Variants in PCGF3 observed in about 807,000 individuals in gnomAD.
PCGF3 encodes polycomb group RING finger protein 3.
Under a neutral mutation model 33.1 loss-of-function variants are expected in PCGF3, and 7 were observed. The observed-to-expected ratio is 0.21, with a 90% CI of 0.12 to 0.40. The LOEUF (loss-of-function observed/expected upper bound fraction) is 0.40, where lower values mean the gene tolerates loss of function less well. Among genes scored for constraint, PCGF3 ranks in the 10% least tolerant of loss-of-function variants. The pLI, the probability that PCGF3 is intolerant of heterozygous loss-of-function variation, is 1.00. For missense variants in PCGF3, 211 were observed against 313.3 expected, an observed-to-expected ratio of 0.67 and a Z score of 2.46; for synonymous variants, 153 against 121.3, an observed-to-expected ratio of 1.26 and a Z score of -1.72.
At position 761,796 on chromosome 4, in the gene PCGF3, G is replaced by C. The variant is rs779638392; in HGVS notation, c.600+380G>C. On this transcript the variant is annotated intron_variant, in intron 9 of 10. Transcript: ENST00000362003. ...CTGTGGTGTGTAAGGAGACGAAGGA[G>C]TGCTGGCATGAGGCGGCCTTGGCAG... is the stretch of plus-strand genomic sequence containing the variant. 1.9e-5 allele frequency: 19 copies of C among 985,320 alleles called. No individual in the cohort carries two copies. In the South Asian group the frequency reaches 8.5e-4, roughly 44 times the overall value. The allele number at this position is 985,320 out of a possible 1,614,324, so 61.0% of individuals were successfully genotyped here. A position where few individuals can be genotyped will look rare whatever the true frequency, so the allele number is the denominator to read the frequency against.
At chr4:763,377 T>A (rs953767046) in intron 9 of PCGF3, among the ~76,000 whole-genome samples, 2 of 151,368 alleles carry the variant, frequency 1.3e-5, no homozygotes, top group Non-Finnish European at 2.9e-5. Context: ...CAGGGAAGAG[T>A]GTGAGGTTTG....
exon 3 of PCGF3, chr4:731,076 C>T (rs760471324): frequency 2.3e-5 from 9 of 398,512 alleles, no homozygotes; most frequent in African/African-American, 1.2e-4. Flanking sequence ...CTCCATGCCC[C>T]GGCAGAGGGA....
chr4:719,367 T>C (rs1742983242), intron 1 of PCGF3, among the ~76,000 whole-genome samples: 2 of 152,208 alleles, frequency 1.3e-5, no homozygotes. Context: ...AGAGAGTGCT[T>C]GGTGTGGTTC....
intron 8 of PCGF3, among the ~76,000 whole-genome samples, chr4:751,002 G>A (rs1744486970): frequency 6.6e-6 from 1 of 152,018 alleles, no homozygotes; most frequent in Non-Finnish European, 1.5e-5. Context: ...CACATCTCAG[G>A]TTCTCTTTGA....
intron 6 of PCGF3, among the ~76,000 whole-genome samples, chr4:737,847 C>T (rs767955516): frequency 1.3e-5 from 2 of 152,264 alleles, no homozygotes; most frequent in Non-Finnish European, 2.9e-5. Context: ...CTGTCCCAGG[C>T]CTGCCTCCCC....
At chr4:748,171 T>C (rs1248738988) in intron 8 of PCGF3, among the ~76,000 whole-genome samples, 7 of 152,106 alleles carry the variant, frequency 4.6e-5, no homozygotes, top group Admixed American at 4.6e-4. Context: ...GTAAAAGAAT[T>C]TGATGAAATT....
chr4:711,112 G>A (rs2109510040), intron 1 of PCGF3, among the ~76,000 whole-genome samples: 1 of 152,336 alleles, frequency 6.6e-6, no homozygotes, highest in Admixed American at 6.5e-5. Context: ...CCACTGCACA[G>A]GGAGCCGGAC....
intron 8 of PCGF3, among the ~76,000 whole-genome samples, chr4:756,023 C>T (rs1744755498): frequency 7.0e-6 from 1 of 143,246 alleles, no homozygotes; most frequent in Non-Finnish European, 1.5e-5. Context: ...AGCGATTCTT[C>T]TGTCTCAGCC....
intron 6 of PCGF3, among the ~76,000 whole-genome samples, chr4:738,955 AC>A (rs771246614): frequency 6.6e-6 from 1 of 151,672 alleles, no homozygotes; most frequent in South Asian, 2.1e-4. Flanking sequence ...TGTGACCACC[AC>A]CCCCCGCCAG....
intron 1 of PCGF3, among the ~76,000 whole-genome samples, chr4:726,282 G>A (rs1256177164): frequency 6.6e-6 from 1 of 152,248 alleles, no homozygotes; most frequent in Non-Finnish European, 1.5e-5. Context: ...GTTGGCTAGA[G>A]TGGGGCTGGC....
At chr4:761,495 T>C in intron 9 of PCGF3, 79 bp downstream of exon 9, 1 of 1,450,532 alleles carries the variant, frequency 6.9e-7, no homozygotes, top group Non-Finnish European at 9.2e-7. Flanking sequence ...CTTTGCTTAG[T>C]TTTGTTTTGT....
rs1017584819 is a variant in PCGF3, at chr4:764,981, C to T, written c.601-3C>T. Reference sequence around the variant, plus strand: ...CTGCTAATCAAACCTCCTTATCCCCCAGCTGGACATTTTATGCAACGAGGA... The same window carrying T: ...CTGCTAATCAAACCTCCTTATCCCCTAGCTGGACATTTTATGCAACGAGGA... On this transcript the variant is annotated splice_polypyrimidine_tract_variant and splice_region_variant and intron_variant, in intron 9 of 10. Coordinates refer to ENST00000362003, the Ensembl canonical transcript of PCGF3. The T allele has an allele frequency of 2.0e-5, 32 of 1,612,650 alleles. No individual in the cohort carries two copies. Among genetic ancestry groups the T allele is most frequent in the Non-Finnish European group, 2.5e-5 (30 of 1,178,846 alleles).
exon 11 of PCGF3, chr4:766,569 T>C (rs1257230701): frequency 6.6e-6 from 1 of 152,418 alleles, no homozygotes; most frequent in Non-Finnish European, 1.5e-5. Flanking sequence ...CTTGAAGATT[T>C]AGAAGTTATA....
In PCGF3 at chr4:763,681, C is replaced by T. The variant is rs567709382; in HGVS notation, c.601-1303C>T. 5.9e-5 allele frequency among the ~76,000 whole-genome samples: 9 copies of T among 152,310 alleles called. No individual in the cohort carries two copies. The East Asian group carries it at 9.6e-4, about 16-fold the overall frequency. Reference sequence around the variant, plus strand: ...CTGCTGACAACACGAAACACACTCTCGGCAAACCACCCAGCAGCCACACCT... The same window carrying T: ...CTGCTGACAACACGAAACACACTCTTGGCAAACCACCCAGCAGCCACACCT... On this transcript the variant is annotated intron_variant, in intron 9 of 10. Transcript: ENST00000362003.
At chr4:764,585 T>C in intron 9 of PCGF3, 1 of 167,834 alleles carries the variant, frequency 6.0e-6, no homozygotes, top group Non-Finnish European at 1.3e-5. Context: ...GTACGGCAGG[T>C]GTGGTAGACA....
At chr4:743,513 G>A in exon 7 of PCGF3, 1 of 1,613,558 alleles carries the variant, frequency 6.2e-7, no homozygotes, top group Non-Finnish European at 8.5e-7. Flanking sequence ...CACAAATTGG[G>A]CATGGAGGTG....
Position 721,564 on chromosome 4 carries a change from C to T in PCGF3, c.-189-9066C>T, listed in dbSNP as rs901403012. Among the ~76,000 whole-genome samples the T allele has an allele frequency of 1.3e-5, 2 of 152,028 alleles. No individual in the cohort carries two copies. Among genetic ancestry groups the T allele is most frequent in the South Asian group, 2.1e-4 (1 of 4,828 alleles). On this transcript the variant is annotated intron_variant, in intron 1 of 10. Coordinates refer to ENST00000362003, the Ensembl canonical transcript of PCGF3. This position sits in a 1 kb window ranked among gnomAD's most constrained non-coding sequence, Gnocchi z 4.1. ...GGGCGAGGCGAGGGCAGAGTGCACT[C>T]GCTGGGGGTCACCCTGCCCCCCAGG...
At chr4:707,093 C>A (rs1742340120) in intron 1 of PCGF3, among the ~76,000 whole-genome samples, 1 of 152,102 alleles carries the variant, frequency 6.6e-6, no homozygotes, top group African/African-American at 2.4e-5. Context: ...CACAGGACCC[C>A]CAGAGTGCTA....
chr4:727,596 G>A (rs1339848682), intron 1 of PCGF3, among the ~76,000 whole-genome samples: 2 of 152,034 alleles, frequency 1.3e-5, no homozygotes, highest in Non-Finnish European at 2.9e-5. Context: ...TGATTTTTAT[G>A]CACCTGCTGG....
Sources: gnomAD v4.1 joint callset for allele counts (sites outside exome capture counted in the v4.1 genomes callset) on GRCh38, gnomAD v4.1.1 for gene constraint, Gnocchi (gnomAD v3.1) non-coding constraint, MANE v1.5 for transcripts, NCBI Gene and HGNC (gene_info 2026-07-23, HGNC 2026-07-21) for gene names.